The following GPHN variants were observed in gnomAD, a reference collection of about 807,000 sequenced individuals.
GPHN encodes gephyrin.
Under a neutral mutation model 95.5 loss-of-function variants are expected in GPHN, and 17 were observed. The ratio of observed to expected loss-of-function variants is 0.18; its 90% CI spans 0.12 to 0.27. The LOEUF (loss-of-function observed/expected upper bound fraction) is 0.27. Among genes scored for constraint, GPHN ranks in the 10% least tolerant of loss-of-function variants. The pLI, the probability that GPHN is intolerant of heterozygous loss-of-function variation, is 1.00. For synonymous variants in GPHN, 320 were observed against 322.5 expected (o/e 0.99, Z 0.08); for missense variants, 660 against 978.1 (o/e 0.67, Z 4.34).
the GPHN span, among the ~76,000 whole-genome samples, chr14:67,534,723 A>C: frequency 6.6e-6 from 1 of 152,108 alleles, no homozygotes; most frequent in Admixed American, 6.6e-5. Flanking sequence ...AAAAATGTGG[A>C]GCCTCTTCTG....
the GPHN span, among the ~76,000 whole-genome samples, chr14:67,492,163 C>A: frequency 2.0e-5 from 3 of 152,194 alleles, no homozygotes; most frequent in African/African-American, 7.2e-5. Flanking sequence ...GACCACCCAA[C>A]TCCATCGCCT....
At chr14:66,722,246 T>G (rs1333521910) in intron 2 of GPHN, among the ~76,000 whole-genome samples, 1 of 152,078 alleles carries the variant, frequency 6.6e-6, no homozygotes, top group Non-Finnish European at 1.5e-5. Flanking sequence ...TCAAAATAAC[T>G]GATAAAGGTA....
At chr14:67,582,894 T>C in the GPHN span, among the ~76,000 whole-genome samples, 2 of 152,256 alleles carry the variant, frequency 1.3e-5, no homozygotes, top group East Asian at 3.9e-4. The surrounding 1 kb of genome is among the most constrained non-coding windows in gnomAD (Gnocchi z 5.0). Flanking sequence ...CACAGGGTTG[T>C]ACTAAGTATG....
chr14:66,922,584 C>A, intron 6 of GPHN, 82 bp from the exon 7 acceptor site: 1 of 1,129,398 alleles, frequency 8.9e-7, no homozygotes, highest in South Asian at 1.5e-5. Context: ...AATCCAAAAT[C>A]ACGAAACAGT....
chr14:67,241,531 G>C, the GPHN span: 2 of 152,928 alleles, frequency 1.3e-5, no homozygotes, highest in Admixed American at 1.3e-4. Flanking sequence ...CCGAGGCGTG[G>C]AGGTAAGAGG....
chr14:66,945,620 C>A (rs1248939895), intron 8 of GPHN, among the ~76,000 whole-genome samples: 1 of 152,000 alleles, frequency 6.6e-6, no homozygotes, highest in African/African-American at 2.4e-5. Flanking sequence ...CCCCAAAAAA[C>A]CTATTGAAAT....
chr14:66,591,656 G>C (rs1282572894), intron 1 of GPHN, among the ~76,000 whole-genome samples: 3 of 152,058 alleles, frequency 2.0e-5, no homozygotes, highest in East Asian at 1.9e-4. Context: ...AAATAAGAGA[G>C]GACACAAAGA....
At chr14:66,783,851 T>C (rs1183320129) in intron 3 of GPHN, among the ~76,000 whole-genome samples, 3 of 152,196 alleles carry the variant, frequency 2.0e-5, no homozygotes, top group African/African-American at 7.2e-5. Context: ...CAGTGAGACC[T>C]TGCAGAAGCT....
chr14:66,836,846 C>G (rs1300661813), intron 4 of GPHN, among the ~76,000 whole-genome samples: 1 of 151,946 alleles, frequency 6.6e-6, no homozygotes, highest in African/African-American at 2.4e-5. Context: ...TGAAAAAATG[C>G]TCACCGTCAC....
the GPHN span, among the ~76,000 whole-genome samples, chr14:67,281,016 A>T: frequency 3.1e-4 from 47 of 151,296 alleles, no homozygotes; most frequent in Non-Finnish European, 5.2e-4. Context: ...CTCCTGCCTT[A>T]GCCTCCCGAG....
At chr14:67,305,491 G>T in the GPHN span, among the ~76,000 whole-genome samples, 267 of 152,286 alleles carry the variant, frequency 1.8e-3, 1 homozygote, top group African/African-American at 6.1e-3. Context: ...ATGTTGCCCA[G>T]GCTAGTCTCG....
chr14:66,726,606 T>C (rs1379045535), intron 2 of GPHN, among the ~76,000 whole-genome samples: 1 of 152,246 alleles, frequency 6.6e-6, no homozygotes, highest in Non-Finnish European at 1.5e-5. Flanking sequence ...ATTATTATTT[T>C]GCATTTATAT....
the GPHN span, among the ~76,000 whole-genome samples, chr14:67,310,814 T>A: frequency 9.8e-5 from 15 of 152,292 alleles, 1 homozygote; most frequent in Non-Finnish European, 1.6e-4. Context: ...AAAAATTTTT[T>A]AAAAAGCCAT....
At chr14:67,339,033 G>A in the GPHN span, among the ~76,000 whole-genome samples, 14 of 131,284 alleles carry the variant, frequency 1.1e-4, no homozygotes, top group South Asian at 4.7e-4. Context: ...TTGCTCTGTC[G>A]CCCAGGGTGG....
intron 1 of GPHN, among the ~76,000 whole-genome samples, chr14:66,549,991 A>G (rs928297095): frequency 6.6e-6 from 1 of 152,178 alleles, no homozygotes; most frequent in Non-Finnish European, 1.5e-5. Flanking sequence ...ACTTATTGAT[A>G]ATGTACCTAG....
chr14:67,043,805 G>A (rs1341030623), intron 10 of GPHN, among the ~76,000 whole-genome samples: 2 of 152,254 alleles, frequency 1.3e-5, no homozygotes, highest in African/African-American at 2.4e-5. Context: ...AATGGTACCA[G>A]CTACTTTTTG....
chr14:67,694,463 C>T, the GPHN span, among the ~76,000 whole-genome samples: 7 of 142,678 alleles, frequency 4.9e-5, no homozygotes, highest in African/African-American at 1.8e-4. Flanking sequence ...CACACACACA[C>T]ACATATATAT....
the GPHN span, among the ~76,000 whole-genome samples, chr14:67,324,887 C>G: frequency 6.8e-6 from 1 of 148,124 alleles, no homozygotes; most frequent in Non-Finnish European, 1.5e-5. Context: ...CCACGCCCAG[C>G]CTTCCTTTCA....
chr14:66,771,128 A>G (rs1031157513), intron 2 of GPHN, among the ~76,000 whole-genome samples: 2 of 152,072 alleles, frequency 1.3e-5, no homozygotes, highest in African/African-American at 2.4e-5. Context: ...ACTAATAACT[A>G]TCACTCCTCT....
Sources: gnomAD v4.1 joint callset for allele counts (sites outside exome capture counted in the v4.1 genomes callset) on GRCh38, gnomAD v4.1.1 for gene constraint, Gnocchi (gnomAD v3.1) non-coding constraint, MANE v1.5 for transcripts, NCBI Gene and HGNC (gene_info 2026-07-23, HGNC 2026-07-21) for gene names.